Variants in ROPN1L observed in about 807,000 individuals in gnomAD.
The protein encoded by ROPN1L is rhophilin associated tail protein 1 like.
In ROPN1L, 23 loss-of-function variants were observed where a neutral mutation model predicts 22.7. The observed-to-expected ratio is 1.01, with a 90% CI of 0.73 to 1.43. ROPN1L has a LOEUF of 1.43. Ranked by LOEUF, ROPN1L falls within the 40% of genes most tolerant of loss-of-function variation. ROPN1L has a pLI of 0.00. For missense variants in ROPN1L, 271 were observed against 291.5 expected (o/e 0.93, Z 0.51); for synonymous variants, 116 against 117.8 (o/e 0.98, Z 0.10).
chr5:10,467,476 A>T (rs1735174091), downstream of ROPN1L, among the ~76,000 whole-genome samples: 1 of 152,180 alleles, frequency 6.6e-6, no homozygotes, highest in South Asian at 2.1e-4. Flanking sequence ...GGTGATTTCC[A>T]GGGCTTCACT....
intron 4 of ROPN1L, 50 bp from the exon 5 acceptor site, chr5:10,464,798 G>GTT: frequency 9.3e-7 from 1 of 1,075,614 alleles, no homozygotes; most frequent in Non-Finnish European, 1.4e-6. Context: ...ATGTTACTAA[G>GTT]TATATGATGA....
intron 1 of ROPN1L, among the ~76,000 whole-genome samples, chr5:10,445,316 C>T (rs970000334): frequency 4.6e-5 from 7 of 152,074 alleles, no homozygotes; most frequent in Admixed American, 3.3e-4. Flanking sequence ...ATTATTCATT[C>T]GGCAGTATAT....
At chr5:10,466,842 C>T (rs916895646), downstream of ROPN1L, among the ~76,000 whole-genome samples, 1 of 152,152 alleles carries the variant, frequency 6.6e-6, no homozygotes, top group Non-Finnish European at 1.5e-5. Context: ...CTCACTGTTT[C>T]GGAAGCAGAA....
At chr5:10,447,898 AAAAG>A (rs1466091930) in intron 1 of ROPN1L, among the ~76,000 whole-genome samples, 2 of 152,156 alleles carry the variant, frequency 1.3e-5, no homozygotes, top group African/African-American at 2.4e-5. Context: ...TTAGGAAAAA[AAAAG>A]AAAGAATAAT....
intron 1 of ROPN1L, 62 bp from the exon 2 acceptor site, chr5:10,448,198 T>C (rs1741134177): frequency 1.9e-6 from 3 of 1,594,968 alleles, no homozygotes; most frequent in South Asian, 1.1e-5. Context: ...ATTTAAGAAA[T>C]TGGATCGCAT....
At chr5:10,450,997 CA>C (rs1413253014) in intron 3 of ROPN1L, among the ~76,000 whole-genome samples, 1 of 152,192 alleles carries the variant, frequency 6.6e-6, no homozygotes, top group Middle Eastern at 3.2e-3. Flanking sequence ...TCAGTCTTCT[CA>C]GCTAAAGTCT....
chr5:10,455,165 GTGAC>G (rs1319014318), intron 3 of ROPN1L, among the ~76,000 whole-genome samples: 2 of 152,192 alleles, frequency 1.3e-5, no homozygotes, highest in Non-Finnish European at 2.9e-5. Flanking sequence ...GTCAGATTCA[GTGAC>G]TGACCTATGG....
At chr5:10,477,723 A>G in the ROPN1L span, among the ~76,000 whole-genome samples, 48 of 152,142 alleles carry the variant, frequency 3.2e-4, no homozygotes, top group African/African-American at 1.1e-3. Context: ...TGAGGTCAGG[A>G]GTTCAAGACC....
At position 10,461,333 on chromosome 5, in the gene ROPN1L, C is replaced by T. The variant is rs1288293714; in HGVS notation, c.567C>T (p.Ser189=). The change falls in exon 4 of 5, where the codon TCC becomes TCT. Residue 189 remains serine, a synonymous_variant. Coordinates refer to ENST00000274134, the MANE Select transcript of ROPN1L (RefSeq NM_031916.5). The part of the protein sequence containing the change: ...DSDVSPLETE[S]YLASLKENID... The stretch of plus-strand genomic sequence containing the variant: ...ATGTGTCTCCCTTGGAGACGGAATC[C>T]TACCTTGCCTCTCTAAAGGAAAATA... 6.2e-7 allele frequency: 1 copy of T among 1,614,024 alleles called. No homozygotes were observed. The highest frequency in any genetic ancestry group is 2.2e-5 in the East Asian group (1 of 44,880).
chr5:10,448,384 G>A lies in ROPN1L; in HGVS notation c.255+1G>A. The A allele has an allele frequency of 1.9e-6, 3 of 1,614,092 alleles. No individual in the cohort carries two copies. Among genetic ancestry groups the A allele is most frequent in the African/African-American group, 1.3e-5 (1 of 75,046 alleles). ...ACTCCTGAAAGTTTTGCACAAGCAG[G>A]TATGGGGGGGCGTAGTCTCTGGCCT... On this transcript the variant is annotated splice_donor_variant, in intron 2 of 4. Transcript: ENST00000274134. LOFTEE classifies it high-confidence loss of function.
At chr5:10,455,080 C>T (rs1741373579) in intron 3 of ROPN1L, among the ~76,000 whole-genome samples, 2 of 152,352 alleles carry the variant, frequency 1.3e-5, no homozygotes, top group South Asian at 4.1e-4. Flanking sequence ...GGAAGGCATT[C>T]AACCTCGGCC....
the ROPN1L span, among the ~76,000 whole-genome samples, chr5:10,482,684 G>A: frequency 6.6e-6 from 1 of 152,170 alleles, no homozygotes; most frequent in Non-Finnish European, 1.5e-5. Flanking sequence ...GATGGACACG[G>A]TAGTGGGTAG....
At chr5:10,462,817 G>A (rs1418505245) in intron 4 of ROPN1L, among the ~76,000 whole-genome samples, 1 of 152,140 alleles carries the variant, frequency 6.6e-6, no homozygotes, top group Non-Finnish European at 1.5e-5. Flanking sequence ...AGCCCTGGGG[G>A]GGCAGAGGTT....
In ROPN1L at chr5:10,461,350, A is replaced by C; in HGVS notation, c.584A>C (p.Lys195Thr). Residue 195 changes from lysine (K) to threonine (T), a missense_variant, in exon 4 of 5, where the codon AAG (lysine) becomes ACG (threonine). Coordinates refer to ENST00000274134, the MANE Select transcript of ROPN1L (RefSeq NM_031916.5). ...LETESYLASLKENIDARKNGM... is the reference protein window; with the variant it reads ...LETESYLASLTENIDARKNGM... ...ACGGAATCCTACCTTGCCTCTCTAA[A>C]GGAAAATATGTAAGTATGCACCCTC... is the stretch of plus-strand genomic sequence containing the variant. 1 of 1,613,754 alleles carries C rather than the reference A, an allele frequency of 6.2e-7. No homozygotes were observed. Among genetic ancestry groups the C allele is most frequent in the Non-Finnish European group, 8.5e-7 (1 of 1,179,760 alleles).
chr5:10,459,506 G>A (rs1388241701), intron 3 of ROPN1L, among the ~76,000 whole-genome samples: 1 of 151,988 alleles, frequency 6.6e-6, no homozygotes, highest in East Asian at 1.9e-4. Context: ...GTCCTCCCTG[G>A]GTCTGTAAAG....
At chr5:10,459,572 C>T (rs1734971073) in intron 3 of ROPN1L, among the ~76,000 whole-genome samples, 1 of 152,166 alleles carries the variant, frequency 6.6e-6, no homozygotes. Flanking sequence ...GCATCCCTGC[C>T]TCTCCATGGC....
In ROPN1L at chr5:10,450,029, C is replaced by G; in HGVS notation, c.333C>G (p.Phe111Leu). The G allele has an allele frequency of 6.2e-7, 1 of 1,613,906 alleles. No homozygotes were observed. The highest frequency in any genetic ancestry group is 2.2e-5 in the East Asian group (1 of 44,870). ...ACTTGTGCCTGCCGAAGGAAAAATT[C>G]AAAGCGCTCTTACAACTGGATCCTT... ...WKNLCLPKEK[F>L]KALLQLDPCE... The change falls in exon 3 of 5, where the codon TTC becomes TTG. Residue 111 changes from phenylalanine (F) to leucine (L), a missense_variant. By Grantham distance (22) the Phe-to-Leu change is conservative. Coordinates refer to ENST00000274134, the MANE Select transcript of ROPN1L (RefSeq NM_031916.5).
In ROPN1L at chr5:10,458,465, C is replaced by T. The variant is rs1038265634; in HGVS notation, c.418-2719C>T. On this transcript the variant is annotated intron_variant, in intron 3 of 4. Coordinates refer to ENST00000274134, the MANE Select transcript of ROPN1L (RefSeq NM_031916.5). ...TGTATACCATCCCCCTCATGTACAC[C>T]ATCCCGCTGTGTACACCATCCCGCT... Among the ~76,000 whole-genome samples the T allele has an allele frequency of 6.1e-5, 8 of 130,274 alleles. No homozygotes were observed. In the East Asian group the frequency reaches 1.6e-3, roughly 26 times the overall value. The allele number at this position is 130,274 out of a possible 152,430, so 85.5% of individuals were successfully genotyped here.
chr5:10,471,083 C>T (rs777057545), intron 4 of ROPN1L, among the ~76,000 whole-genome samples: 1 of 152,168 alleles, frequency 6.6e-6, no homozygotes, highest in South Asian at 2.1e-4. Context: ...AGTAAAGTGG[C>T]TCTTGGGGAG....
Sources: gnomAD v4.1 joint callset for allele counts (sites outside exome capture counted in the v4.1 genomes callset) on GRCh38, gnomAD v4.1.1 for gene constraint, MANE v1.5 for transcripts, NCBI Gene and HGNC (gene_info 2026-07-23, HGNC 2026-07-21) for gene names.